Variants in CUEDC1 observed in about 807,000 individuals in gnomAD.
CUEDC1 encodes the protein CUE domain-containing protein 1.
A neutral mutation model predicts 43.7 loss-of-function variants in CUEDC1; 30 were observed. The ratio of observed to expected loss-of-function variants is 0.69; its 90% CI spans 0.51 to 0.93. CUEDC1 has a LOEUF of 0.93. CUEDC1 is among the 40% of genes least tolerant of loss of function. The pLI is 0.00. For synonymous variants in CUEDC1, 223 were observed against 223.6 expected (o/e 1.00, Z 0.02); for missense variants, 486 against 549.0 (o/e 0.89, Z 1.15).
intron 1 of CUEDC1, among the ~76,000 whole-genome samples, chr17:57,925,412 T>C (rs1229248507): frequency 2.6e-5 from 4 of 152,046 alleles, no homozygotes; most frequent in South Asian, 2.1e-4. Flanking sequence ...TGGTCACACC[T>C]AAACAAGCAA....
chr17:57,936,815 G>C (rs574999856), intron 1 of CUEDC1, among the ~76,000 whole-genome samples: 1 of 125,270 alleles, frequency 8.0e-6, no homozygotes, highest in Non-Finnish European at 1.7e-5. Flanking sequence ...AGCCCTCCAC[G>C]TTCATTCACA....
At chr17:57,888,704 C>T (rs772403380) in intron 1 of CUEDC1, among the ~76,000 whole-genome samples, 6 of 152,268 alleles carry the variant, frequency 3.9e-5, no homozygotes, top group Non-Finnish European at 5.9e-5. Context: ...CCTCAAGCCT[C>T]TAACACAGAC....
At chr17:57,902,886 T>C (rs1304344569) in intron 1 of CUEDC1, 1 of 152,176 alleles carries the variant, frequency 6.6e-6, no homozygotes, top group Non-Finnish European at 1.5e-5. Flanking sequence ...ACAGAGGAGT[T>C]AAATACCTTG....
intron 1 of CUEDC1, among the ~76,000 whole-genome samples, chr17:57,896,934 TA>T (rs752352312): frequency 3.9e-5 from 6 of 151,902 alleles, no homozygotes; most frequent in Non-Finnish European, 5.9e-5. Context: ...CATGCCAAAC[TA>T]ATTTTTTGTA....
chr17:57,882,149 C>T (rs955504588), intron 2 of CUEDC1, among the ~76,000 whole-genome samples: 3 of 152,200 alleles, frequency 2.0e-5, no homozygotes, highest in Admixed American at 6.5e-5. Flanking sequence ...AAGGATACCC[C>T]TCGGGCCAGC....
chr17:57,899,012 G>A (rs2074442325), intron 1 of CUEDC1, among the ~76,000 whole-genome samples: 1 of 152,212 alleles, frequency 6.6e-6, no homozygotes, highest in Non-Finnish European at 1.5e-5. Flanking sequence ...AGGCAGAGTG[G>A]CCCTCTCAGA....
rs563752835 is a variant in CUEDC1, at chr17:57,954,558, T to G, written c.-316+667A>C. Among the ~76,000 whole-genome samples, 1 of 151,898 alleles carries G rather than the reference T, an allele frequency of 6.6e-6. No individual in the cohort carries two copies. The highest frequency in any genetic ancestry group is 2.1e-4 in the South Asian group (1 of 4,794). On this transcript the variant is annotated intron_variant, in intron 1 of 10. Coordinates refer to ENST00000577830, the MANE Select transcript of CUEDC1 (RefSeq NM_001271875.2). This position sits in a 1 kb window ranked among gnomAD's most constrained non-coding sequence, Gnocchi z 4.3. Reference sequence around the variant, plus strand: ...CCAGCCCCCCTTGGAGCTCAGAGCCTGGGGCACAGGAGCCGGCGGGGCGGG... The same window carrying G: ...CCAGCCCCCCTTGGAGCTCAGAGCCGGGGGCACAGGAGCCGGCGGGGCGGG...
At chr17:57,951,069 C>G (rs1195795938) in intron 1 of CUEDC1, among the ~76,000 whole-genome samples, 2 of 146,008 alleles carry the variant, frequency 1.4e-5, no homozygotes, top group Non-Finnish European at 3.0e-5. Context: ...CTCCACTGTG[C>G]GGTCCTCTCT....
chr17:57,872,925 T>G (rs1358823190), intron 4 of CUEDC1, 70 bp from the exon 5 acceptor site: 10 of 1,425,044 alleles, frequency 7.0e-6, no homozygotes, highest in Non-Finnish European at 1.9e-6. Flanking sequence ...TCCACATCCC[T>G]CTGGTTGCAC....
chr17:57,934,562 A>T (rs1302706487), intron 1 of CUEDC1, among the ~76,000 whole-genome samples: 4 of 85,048 alleles, frequency 4.7e-5, no homozygotes, highest in Non-Finnish European at 9.0e-5. Flanking sequence ...GTCTCTCTAA[A>T]AAAAAAAAAA....
At position 57,885,512 on chromosome 17, in the gene CUEDC1, G is replaced by T; in HGVS notation, c.53C>A (p.Ala18Asp). 7.0e-7 allele frequency: 1 copy of T among 1,437,560 alleles called. No homozygotes were observed. Among genetic ancestry groups the T allele is most frequent in the Non-Finnish European group, 9.1e-7 (1 of 1,101,420 alleles). The allele number at this position is 1,437,560 out of a possible 1,614,324, so 89.1% of individuals were successfully genotyped here. A position where few individuals can be genotyped will look rare whatever the true frequency, so the allele number is the denominator to read the frequency against. The change falls in exon 2 of 11, where the codon GCC becomes GAC. Residue 18 changes from alanine (A) to aspartate (D), a missense_variant. Physicochemically the swap from Ala to Asp is moderately radical, Grantham distance 126. Coordinates refer to ENST00000577830, the MANE Select transcript of CUEDC1 (RefSeq NM_001271875.2). Reference protein sequence around the residue: ...SSSGSGGGGTAGARGGGGGTA... With the variant: ...SSSGSGGGGTDGARGGGGGTA... Reference sequence around the variant, plus strand: ...GCCTCCCCCGCCCCCGCGTGCCCCGGCGGTGCCACCCCCGCCGCTGCCGCT... The same window carrying T: ...GCCTCCCCCGCCCCCGCGTGCCCCGTCGGTGCCACCCCCGCCGCTGCCGCT...
rs1410781579 is a variant in CUEDC1, at chr17:57,878,349, A to G, written c.464+1262T>C. On this transcript the variant is annotated intron_variant, in intron 3 of 10. Transcript: ENST00000577830. ...ATTAAATGTGATGGTGTAGGTAAAG[A>G]ACCTGCTCCGTTTCTGGCATTGGAA... Among the ~76,000 whole-genome samples, 2 of 152,180 alleles carry G rather than the reference A, an allele frequency of 1.3e-5. 1 individual carries two copies. The highest frequency in any genetic ancestry group is 4.1e-4 in the South Asian group (2 of 4,828).
chr17:57,935,760 C>T (rs934628698), intron 1 of CUEDC1, among the ~76,000 whole-genome samples: 6 of 152,198 alleles, frequency 3.9e-5, no homozygotes, highest in East Asian at 1.9e-4. Context: ...GCAGCCTCAG[C>T]GCCTGGCCGT....
At position 57,900,947 on chromosome 17, in the gene CUEDC1, TTCC is replaced by T. The variant is rs1015864681; in HGVS notation, c.-315-15071_-315-15069del. Among the ~76,000 whole-genome samples the T allele has an allele frequency of 3.0e-4, 46 of 152,318 alleles. 1 individual carries two copies. Among genetic ancestry groups the T allele is most frequent in the African/African-American group, 1.1e-3 (44 of 41,568 alleles). On this transcript the variant is annotated intron_variant, in intron 1 of 10. Transcript: ENST00000577830. ...ATCTCAGAGGACGGTGGCGACCACC[TTCC>T]TCAGACTCCCCTGAGGTGTTTGCTA...
intron 1 of CUEDC1, among the ~76,000 whole-genome samples, chr17:57,926,686 A>C (rs944658307): frequency 1.3e-5 from 2 of 152,222 alleles, no homozygotes; most frequent in African/African-American, 2.4e-5. Context: ...AACAAATGGA[A>C]AGTGTGGTTA....
intron 1 of CUEDC1, among the ~76,000 whole-genome samples, chr17:57,928,141 C>G (rs113815760): frequency 0.014 from 2,186 of 152,338 alleles, 62 homozygotes; most frequent in African/African-American, 0.049. Flanking sequence ...TATGGAACCC[C>G]TCGTCCCAAA....
chr17:57,895,059 T>C (rs1267150906), intron 1 of CUEDC1, among the ~76,000 whole-genome samples: 1 of 152,250 alleles, frequency 6.6e-6, no homozygotes, highest in East Asian at 1.9e-4. Context: ...ATAACACTTA[T>C]TGCCTGCTTC....
intron 1 of CUEDC1, among the ~76,000 whole-genome samples, chr17:57,946,144 T>C (rs1319375390): frequency 6.6e-6 from 1 of 152,188 alleles, no homozygotes; most frequent in Non-Finnish European, 1.5e-5. Flanking sequence ...AGCACAGGCA[T>C]TCTGATTCAG....
chr17:57,912,308 T>G (rs1000979986), intron 1 of CUEDC1: 1 of 152,212 alleles, frequency 6.6e-6, no homozygotes. Flanking sequence ...GGGACAGGAT[T>G]TATGGGCAGA....
Sources: gnomAD v4.1 joint callset for allele counts (sites outside exome capture counted in the v4.1 genomes callset) on GRCh38, gnomAD v4.1.1 for gene constraint, Gnocchi (gnomAD v3.1) non-coding constraint, MANE v1.5 for transcripts, NCBI Gene and HGNC (gene_info 2026-07-23, HGNC 2026-07-21) for gene names.